Variants in RTN4 observed in about 807,000 individuals in gnomAD.
RTN4 encodes the protein reticulon-4.
RTN4 carries 32 observed loss-of-function variants against 90.4 expected under a neutral mutation model. The observed-to-expected ratio is 0.35, with a 90% CI of 0.27 to 0.48. The LOEUF (loss-of-function observed/expected upper bound fraction) is 0.48. Ranked by LOEUF, RTN4 falls within the 20% of genes least tolerant of loss-of-function variation. RTN4 has a pLI of 0.99. For missense variants in RTN4, 1,706 were observed against 1,430.2 expected (o/e 1.19, Z -3.11); for synonymous variants, 629 against 552.5 (o/e 1.14, Z -1.94).
intron 1 of RTN4, among the ~76,000 whole-genome samples, chr2:55,111,983 A>G (rs1015998708): frequency 6.6e-6 from 1 of 152,140 alleles, no homozygotes; most frequent in African/African-American, 2.4e-5. Context: ...AGTTAATTGC[A>G]ATGAGTCTCT....
the RTN4 span, among the ~76,000 whole-genome samples, chr2:55,136,583 T>G: frequency 3.3e-5 from 5 of 152,238 alleles, no homozygotes; most frequent in African/African-American, 1.2e-4. Flanking sequence ...TTCTTTCGCC[T>G]GAGGCGGCAA....
chr2:54,990,620 CT>C (rs1056790254), intron 3 of RTN4, among the ~76,000 whole-genome samples: 1 of 152,040 alleles, frequency 6.6e-6, no homozygotes, highest in African/African-American at 2.4e-5. Context: ...TTATTATTAA[CT>C]TTAGGTTAAT....
chr2:55,049,185 G>A, intron 1 of RTN4: 1 of 986,456 alleles, frequency 1.0e-6, no homozygotes, highest in Non-Finnish European at 1.2e-6. Flanking sequence ...AGCTCCCCAC[G>A]AGCACAGGAG....
intron 4 of RTN4, 21 bp from the exon 5 acceptor site, chr2:54,982,674 T>C: frequency 1.9e-6 from 3 of 1,579,618 alleles, no homozygotes; most frequent in Non-Finnish European, 2.6e-6. Flanking sequence ...AAACACATCA[T>C]AATTGTCACT....
intron 1 of RTN4, among the ~76,000 whole-genome samples, chr2:55,030,832 T>A (rs867204364): frequency 1.7e-4 from 26 of 152,308 alleles, no homozygotes; most frequent in African/African-American, 5.8e-4. Context: ...TATCAGCCCC[T>A]CAAGTTAGTT....
At chr2:55,103,076 C>A (rs1005155718) in intron 1 of RTN4, among the ~76,000 whole-genome samples, 1 of 147,260 alleles carries the variant, frequency 6.8e-6, no homozygotes, top group African/African-American at 2.5e-5. Context: ...TGAGATCACA[C>A]CATTGCACTC....
chr2:55,118,785 A>G, the RTN4 span, among the ~76,000 whole-genome samples: 1 of 152,212 alleles, frequency 6.6e-6, no homozygotes, highest in Non-Finnish European at 1.5e-5. Flanking sequence ...TCTAATGCAG[A>G]TGAGGACGCA....
intron 3 of RTN4, among the ~76,000 whole-genome samples, chr2:55,007,152 C>T (rs1057202504): frequency 6.6e-6 from 1 of 152,088 alleles, no homozygotes; most frequent in Non-Finnish European, 1.5e-5. Context: ...TCATGTTGCC[C>T]CTTGAGTCTT....
At chr2:55,011,713 G>C (rs1680655462) in intron 3 of RTN4, among the ~76,000 whole-genome samples, 1 of 151,956 alleles carries the variant, frequency 6.6e-6, no homozygotes, top group Admixed American at 6.6e-5. Flanking sequence ...AAACATGTAA[G>C]ACTTAAACAT....
At chr2:55,038,404 G>C (rs1682833431) in intron 1 of RTN4, among the ~76,000 whole-genome samples, 1 of 152,028 alleles carries the variant, frequency 6.6e-6, no homozygotes, top group South Asian at 2.1e-4. Flanking sequence ...ATAATATATA[G>C]AGAGAACTCT....
At chr2:54,990,793 T>G (rs867177896) in intron 3 of RTN4, among the ~76,000 whole-genome samples, 1 of 145,914 alleles carries the variant, frequency 6.9e-6, no homozygotes, top group Non-Finnish European at 1.5e-5. Flanking sequence ...TTTCTTTTAC[T>G]TTTTTTTTTT....
chr2:55,072,912 A>C (rs1668540540), intron 2 of RTN4, among the ~76,000 whole-genome samples: 2 of 152,202 alleles, frequency 1.3e-5, no homozygotes, highest in Admixed American at 1.3e-4. Flanking sequence ...AAACTGTTAA[A>C]GTGTTTTTTC....
At chr2:55,001,363 C>A (rs6760429) in intron 3 of RTN4, among the ~76,000 whole-genome samples, 1 of 152,016 alleles carries the variant, frequency 6.6e-6, no homozygotes, top group South Asian at 2.1e-4. Flanking sequence ...AAAAAATATG[C>A]GTCTCTAGCT....
At chr2:54,979,928 G>A (rs888398744) in intron 5 of RTN4, among the ~76,000 whole-genome samples, 7 of 152,150 alleles carry the variant, frequency 4.6e-5, no homozygotes, top group Non-Finnish European at 1.0e-4. Flanking sequence ...AATCAAGTAC[G>A]TTTTTCTTCT....
chr2:55,045,135 A>G (rs992051172), intron 1 of RTN4, among the ~76,000 whole-genome samples: 1 of 152,248 alleles, frequency 6.6e-6, no homozygotes, highest in African/African-American at 2.4e-5. Flanking sequence ...TCATGATAGT[A>G]AAAACTAGTA....
chr2:55,075,604 T>C (rs1368149304), intron 2 of RTN4, among the ~76,000 whole-genome samples: 1 of 152,068 alleles, frequency 6.6e-6, no homozygotes, highest in Non-Finnish European at 1.5e-5. Flanking sequence ...AAAATTCATA[T>C]GGAACCAAAA....
chr2:55,011,952 G>T (rs910035857), intron 3 of RTN4, among the ~76,000 whole-genome samples: 1 of 152,140 alleles, frequency 6.6e-6, no homozygotes, highest in Non-Finnish European at 1.5e-5. Context: ...CCATATCATG[G>T]CCTGAAAATG....
intron 1 of RTN4, among the ~76,000 whole-genome samples, chr2:55,089,840 A>C (rs749579574): frequency 6.6e-6 from 1 of 152,162 alleles, no homozygotes; most frequent in East Asian, 1.9e-4. Flanking sequence ...CTCTCCAGGC[A>C]TGTGGTAAAA....
chr2:55,008,570 G>A (rs976145020), intron 3 of RTN4, among the ~76,000 whole-genome samples: 1 of 152,030 alleles, frequency 6.6e-6, no homozygotes. Context: ...CTTACAAAGT[G>A]AGGCTCCCCA....
Sources: gnomAD v4.1 joint callset for allele counts (sites outside exome capture counted in the v4.1 genomes callset) on GRCh38, gnomAD v4.1.1 for gene constraint, MANE v1.5 for transcripts, NCBI Gene and HGNC (gene_info 2026-07-23, HGNC 2026-07-21) for gene names.